Variants in FRMD6 observed in about 807,000 individuals in gnomAD.
FRMD6 encodes the protein FERM domain-containing protein 6.
Under a neutral mutation model 73.2 loss-of-function variants are expected in FRMD6, and 37 were observed. The ratio of observed to expected loss-of-function variants is 0.51; its 90% CI spans 0.39 to 0.66. The LOEUF is 0.66. Among genes scored for constraint, FRMD6 ranks in the 30% least tolerant of loss-of-function variants. The probability of loss-of-function intolerance (pLI) is 0.00; values close to 1 mark genes in which losing one functional copy is unlikely to be tolerated. For synonymous variants in FRMD6, 273 were observed against 282.2 expected, an observed-to-expected ratio of 0.97 and a Z score of 0.33; for missense variants, 714 against 780.5, an observed-to-expected ratio of 0.91 and a Z score of 1.02.
At chr14:51,530,685 C>T (rs1489854674) in intron 1 of FRMD6, among the ~76,000 whole-genome samples, 1 of 151,772 alleles carries the variant, frequency 6.6e-6, no homozygotes, top group Admixed American at 6.6e-5. Flanking sequence ...TGGGGTCTCA[C>T]CATGTTGCCT....
intron 2 of FRMD6, among the ~76,000 whole-genome samples, chr14:51,582,928 G>C (rs1350988915): frequency 1.3e-5 from 2 of 152,122 alleles, no homozygotes; most frequent in Non-Finnish European, 2.9e-5. Flanking sequence ...GGAGTCAAAA[G>C]GTAAGCTGAT....
chr14:51,707,334 T>C (rs1200090506), intron 6 of FRMD6, among the ~76,000 whole-genome samples: 1 of 152,178 alleles, frequency 6.6e-6, no homozygotes, highest in Non-Finnish European at 1.5e-5. Context: ...TTTGATTATT[T>C]TAAGCACGAC....
chr14:51,571,300 G>T (rs928945410), intron 2 of FRMD6, among the ~76,000 whole-genome samples: 5 of 152,234 alleles, frequency 3.3e-5, no homozygotes, highest in Non-Finnish European at 7.3e-5. Context: ...GATCACTTGA[G>T]CTGAGGAGTT....
chr14:51,603,942 T>C (rs1233267906), intron 2 of FRMD6, among the ~76,000 whole-genome samples: 1 of 54,348 alleles, frequency 1.8e-5, no homozygotes, highest in South Asian at 5.8e-4. Context: ...TCTCTTGTGA[T>C]ACAAAAAAAA....
intron 1 of FRMD6, among the ~76,000 whole-genome samples, chr14:51,560,227 A>G (rs1203376359): frequency 6.6e-6 from 1 of 152,250 alleles, no homozygotes. Flanking sequence ...TGAAATAAAC[A>G]TCACCCAACA....
At chr14:51,641,585 T>C (rs903974627) in intron 2 of FRMD6, among the ~76,000 whole-genome samples, 21 of 152,092 alleles carry the variant, frequency 1.4e-4, no homozygotes, top group African/African-American at 3.6e-4. Flanking sequence ...AGTCCAAATA[T>C]CTCACTCTTT....
chr14:51,705,290 A>T (rs1236515415), intron 6 of FRMD6, among the ~76,000 whole-genome samples: 2 of 152,050 alleles, frequency 1.3e-5, no homozygotes, highest in Non-Finnish European at 2.9e-5. Flanking sequence ...AAGTAAGATT[A>T]TTCCTCGCTT....
At chr14:51,657,703 A>G (rs941703) in intron 1 of FRMD6, among the ~76,000 whole-genome samples, 118,475 of 152,066 alleles carry the variant, frequency 0.78, 46,692 homozygotes, top group Middle Eastern at 0.82. Context: ...ATGGTCTTAA[A>G]ATTAAAAGAG....
intron 2 of FRMD6, among the ~76,000 whole-genome samples, chr14:51,599,594 C>A (rs771963471): frequency 2.6e-5 from 4 of 152,076 alleles, no homozygotes; most frequent in Non-Finnish European, 4.4e-5. Flanking sequence ...AGCTATATAT[C>A]CAGCAAAGGT....
At chr14:51,511,640 A>C (rs1047790816) in intron 1 of FRMD6, among the ~76,000 whole-genome samples, 1 of 152,208 alleles carries the variant, frequency 6.6e-6, no homozygotes, top group African/African-American at 2.4e-5. Context: ...AGAAAACCAA[A>C]CATCATATGT....
At chr14:51,606,975 C>T (rs1435959265) in intron 2 of FRMD6, among the ~76,000 whole-genome samples, 5 of 152,098 alleles carry the variant, frequency 3.3e-5, no homozygotes, top group Admixed American at 2.6e-4. Flanking sequence ...TGGTGTATCC[C>T]GGTTCCAGCA....
At chr14:51,414,001 GT>G in the FRMD6 span, among the ~76,000 whole-genome samples, 5 of 151,800 alleles carry the variant, frequency 3.3e-5, no homozygotes, top group African/African-American at 7.2e-5. Context: ...CTTTTTGATG[GT>G]TTTTGTTTTC....
intron 1 of FRMD6, among the ~76,000 whole-genome samples, chr14:51,509,837 G>A (rs925055436): frequency 2.0e-5 from 3 of 152,118 alleles, no homozygotes; most frequent in Non-Finnish European, 4.4e-5. Context: ...TGTTGGCCAA[G>A]CTGCTCTGGA....
upstream of FRMD6, chr14:51,650,623 CTG>C (rs1018421150): frequency 1.3e-5 from 2 of 151,236 alleles, no homozygotes; most frequent in African/African-American, 4.9e-5. Flanking sequence ...TCTCGATCTC[CTG>C]ACCTCGTGAT....
At chr14:51,647,769 C>T (rs1364995689), upstream of FRMD6, among the ~76,000 whole-genome samples, 2 of 152,162 alleles carry the variant, frequency 1.3e-5, no homozygotes, top group Admixed American at 6.5e-5. Flanking sequence ...CTAGAACTTA[C>T]ATATCAGCAT....
intron 1 of FRMD6, among the ~76,000 whole-genome samples, chr14:51,490,756 T>C (rs967679872): frequency 6.6e-6 from 1 of 152,182 alleles, no homozygotes; most frequent in African/African-American, 2.4e-5. Context: ...GTGGCCCAGT[T>C]ACCGAAACTG....
At chr14:51,541,153 C>T (rs1165309859) in intron 1 of FRMD6, among the ~76,000 whole-genome samples, 3 of 152,008 alleles carry the variant, frequency 2.0e-5, no homozygotes, top group African/African-American at 7.2e-5. Context: ...CCAGTTGCTT[C>T]CTAACAATAT....
At chr14:51,639,901 C>G (rs76342137) in intron 2 of FRMD6, among the ~76,000 whole-genome samples, 1,867 of 152,232 alleles carry the variant, frequency 0.012, 46 homozygotes, top group African/African-American at 0.043. Context: ...ATATCCTGTT[C>G]AGTCTGTATT....
At chr14:51,518,796 T>C (rs1487584099) in intron 1 of FRMD6, among the ~76,000 whole-genome samples, 1 of 152,218 alleles carries the variant, frequency 6.6e-6, no homozygotes, top group Non-Finnish European at 1.5e-5. Flanking sequence ...TGGATTATCT[T>C]GTTGCCACCA....
Sources: allele counts gnomAD v4.1 joint callset (sites outside exome capture counted in the v4.1 genomes callset), GRCh38; gene constraint gnomAD v4.1.1; transcripts MANE v1.5; gene names NCBI Gene and HGNC (gene_info 2026-07-23, HGNC 2026-07-21).